SUGCT: variants seen among roughly 807,000 people sequenced by gnomAD.
SUGCT encodes the protein succinyl-CoA:glutarate CoA-transferase.
In SUGCT, 41 loss-of-function variants were observed where a neutral mutation model predicts 55.0. That is an observed-to-expected ratio of 0.74 (90% CI 0.58 to 0.97). SUGCT has a LOEUF of 0.97. Ranked by LOEUF, SUGCT falls within the 50% of genes least tolerant of loss-of-function variation. The pLI, the probability that SUGCT is intolerant of heterozygous loss-of-function variation, is 0.00. For missense variants in SUGCT, 568 were observed against 547.8 expected, an observed-to-expected ratio of 1.04 and a Z score of -0.37; for synonymous variants, 187 against 200.4, an observed-to-expected ratio of 0.93 and a Z score of 0.56.
chr7:40,582,266 G>A (rs548484118), intron 12 of SUGCT, among the ~76,000 whole-genome samples: 33 of 152,266 alleles, frequency 2.2e-4, no homozygotes, highest in Non-Finnish European at 4.6e-4. Context: ...GTTACTTGCA[G>A]TACGGTGAAG....
chr7:40,956,874 T>C, the SUGCT span, among the ~76,000 whole-genome samples: 1 of 152,202 alleles, frequency 6.6e-6, no homozygotes, highest in Non-Finnish European at 1.5e-5. Context: ...TTTCGTTATG[T>C]ACCCAGTAGT....
chr7:40,658,698 T>C (rs1381725819), intron 12 of SUGCT, among the ~76,000 whole-genome samples: 1 of 152,190 alleles, frequency 6.6e-6, no homozygotes, highest in Non-Finnish European at 1.5e-5. Flanking sequence ...CTTACAATTA[T>C]TTGAGTCCCC....
At chr7:40,251,074 C>T (rs1790359868) in intron 7 of SUGCT, among the ~76,000 whole-genome samples, 1 of 152,066 alleles carries the variant, frequency 6.6e-6, no homozygotes, top group Non-Finnish European at 1.5e-5. Context: ...TGTGATCCAT[C>T]CACCCCGGCC....
chr7:41,011,496 C>T, the SUGCT span, among the ~76,000 whole-genome samples: 2 of 152,308 alleles, frequency 1.3e-5, no homozygotes, highest in African/African-American at 4.8e-5. Flanking sequence ...TGGGGTATCC[C>T]CCAACCTCTA....
At chr7:40,905,626 C>G in the SUGCT span, among the ~76,000 whole-genome samples, 1 of 151,768 alleles carries the variant, frequency 6.6e-6, no homozygotes, top group South Asian at 2.1e-4. Context: ...GGGTCTAGAA[C>G]ATTTCCTGGC....
At chr7:40,770,772 T>C (rs1264596888) in intron 13 of SUGCT, among the ~76,000 whole-genome samples, 1 of 152,166 alleles carries the variant, frequency 6.6e-6, no homozygotes, top group Non-Finnish European at 1.5e-5. Flanking sequence ...ATATAATTCC[T>C]GCTCTAGGAA....
intron 8 of SUGCT, among the ~76,000 whole-genome samples, chr7:40,291,186 C>T (rs1793724497): frequency 6.6e-6 from 1 of 152,076 alleles, no homozygotes; most frequent in African/African-American, 2.4e-5. Flanking sequence ...AATCATGCTG[C>T]TATAAAGACA....
At chr7:40,398,888 C>T (rs144397850) in intron 9 of SUGCT, among the ~76,000 whole-genome samples, 163 of 152,264 alleles carry the variant, frequency 1.1e-3, no homozygotes, top group African/African-American at 3.7e-3. Context: ...ATTGAGCCTT[C>T]ATGCTTGAAA....
the SUGCT span, among the ~76,000 whole-genome samples, chr7:40,953,498 A>G: frequency 6.6e-6 from 1 of 152,220 alleles, no homozygotes; most frequent in Non-Finnish European, 1.5e-5. Context: ...CTGGTGAGGA[A>G]CTGCGTTCCT....
intron 8 of SUGCT, among the ~76,000 whole-genome samples, chr7:40,287,033 C>T (rs1283450911): frequency 4.6e-5 from 7 of 152,176 alleles, no homozygotes; most frequent in African/African-American, 9.6e-5. Context: ...AAAAGAGTGC[C>T]GTGATTATTA....
At chr7:40,279,160 T>G (rs1792770370) in intron 8 of SUGCT, among the ~76,000 whole-genome samples, 2 of 152,102 alleles carry the variant, frequency 1.3e-5, no homozygotes, top group Admixed American at 1.3e-4. Flanking sequence ...TCTTACATTC[T>G]TATACCGTAT....
intron 6 of SUGCT, among the ~76,000 whole-genome samples, chr7:40,219,123 G>A (rs994209997): frequency 4.6e-5 from 7 of 151,936 alleles, no homozygotes; most frequent in East Asian, 1.9e-4. Context: ...CTCTGGACGC[G>A]CCACCTTTAT....
chr7:40,562,672 G>A (rs1192381739), intron 12 of SUGCT, among the ~76,000 whole-genome samples: 1 of 152,130 alleles, frequency 6.6e-6, no homozygotes, highest in African/African-American at 2.4e-5. Flanking sequence ...GTAAGGGCCT[G>A]ACCTAAATCG....
chr7:40,671,899 A>G (rs560769996), intron 12 of SUGCT, among the ~76,000 whole-genome samples: 8 of 152,198 alleles, frequency 5.3e-5, no homozygotes, highest in Non-Finnish European at 1.2e-4. Context: ...GAAAATGAAG[A>G]TTAGGAAAGT....
At chr7:40,188,222 T>A (rs1785655336) in intron 3 of SUGCT, among the ~76,000 whole-genome samples, 1 of 151,940 alleles carries the variant, frequency 6.6e-6, no homozygotes, top group African/African-American at 2.4e-5. Flanking sequence ...TCACCTGAGG[T>A]CAGGAGTTTG....
At chr7:40,786,298 G>A (rs765279050) in intron 13 of SUGCT, among the ~76,000 whole-genome samples, 18 of 152,106 alleles carry the variant, frequency 1.2e-4, no homozygotes, top group African/African-American at 4.1e-4. Flanking sequence ...AATAAAGATG[G>A]CCACTATTAA....
At chr7:40,808,350 G>T (rs2302026) in intron 13 of SUGCT, 26,430 of 152,272 alleles carry the variant, frequency 0.17, 2,660 homozygotes, top group East Asian at 0.41. Context: ...TAGCCTTCTG[G>T]AAAATGAAGA....
At chr7:40,263,053 G>A (rs1358017781) in intron 7 of SUGCT, among the ~76,000 whole-genome samples, 2 of 152,158 alleles carry the variant, frequency 1.3e-5, no homozygotes, top group East Asian at 1.9e-4. Flanking sequence ...CTCCCCAGTA[G>A]CTGAGATCAC....
chr7:40,229,364 CA>C (rs1788582741), intron 6 of SUGCT, among the ~76,000 whole-genome samples: 1 of 152,006 alleles, frequency 6.6e-6, no homozygotes, highest in Non-Finnish European at 1.5e-5. Context: ...ACTAAAAATA[CA>C]AACATTAACC....
Sources: allele counts gnomAD v4.1 joint callset (sites outside exome capture counted in the v4.1 genomes callset), GRCh38; gene constraint gnomAD v4.1.1; transcripts MANE v1.5; gene names NCBI Gene and HGNC (gene_info 2026-07-23, HGNC 2026-07-21).